The following DDX5 variants were observed in gnomAD, a reference collection of about 807,000 sequenced individuals.
The protein encoded by DDX5 is DEAD-box helicase 5.
Under a neutral mutation model 68.6 loss-of-function variants are expected in DDX5, and 6 were observed. The ratio of observed to expected loss-of-function variants is 0.09; its 90% confidence interval spans 0.05 to 0.17. The LOEUF is 0.17. Among genes scored for constraint, DDX5 ranks in the 10% least tolerant of loss-of-function variants. The probability of loss-of-function intolerance (pLI) is 1.00; values close to 1 mark genes in which losing one functional copy is unlikely to be tolerated. For missense variants in DDX5, 499 were observed against 756.1 expected, an observed-to-expected ratio of 0.66 and a Z score of 3.99; for synonymous variants, 350 against 247.0, an observed-to-expected ratio of 1.42 and a Z score of -3.91.
chr17:64,499,815 G>A lies in DDX5; in HGVS notation c.*108C>T, dbSNP rs1050485. 0.016 allele frequency: 16,693 copies of A among 1,041,394 alleles called. 207 individuals are homozygous for A. The highest frequency in any genetic ancestry group is 0.018 in the Non-Finnish European group (13,383 of 744,512). The allele number at this position is 1,041,394 out of a possible 1,614,324, so 64.5% of individuals were successfully genotyped here. Reference sequence around the variant, plus strand: ...AGTGCACCATAATTACTGCTGCACTGCAGTCATTTCTGCAATTCCCATGTT... The same window carrying A: ...AGTGCACCATAATTACTGCTGCACTACAGTCATTTCTGCAATTCCCATGTT... On this transcript the variant is annotated 3_prime_UTR_variant, in exon 13 of 13. Transcript: ENST00000225792.
At position 64,504,683 on chromosome 17, in the gene DDX5, G is replaced by C. The variant is rs781881248; in HGVS notation, c.204C>G (p.Arg68=). Residue 68 remains arginine (R), a synonymous_variant, in exon 2 of 13, where the codon CGC becomes CGG. Coordinates refer to ENST00000225792, the MANE Select transcript of DDX5 (RefSeq NM_004396.5). The stretch of plus-strand genomic sequence containing the variant: ...GCCACATGAATTTACTCACTGCTGT[G>C]CGCCTAGCCAAATCAGGGTGCTCTT... ...FYQEHPDLAR[R]TAQEVETYRR... is the part of the protein sequence containing the mutation. 22 of 1,612,102 alleles carry C rather than the reference G, an allele frequency of 1.4e-5. No homozygotes were observed. Among genetic ancestry groups the C allele is most frequent in the Non-Finnish European group, 1.9e-5 (22 of 1,179,322 alleles).
At chr17:64,504,986 C>T (rs572946450) in intron 1 of DDX5, 144 bp from the exon 2 acceptor site, 1 of 639,998 alleles carries the variant, frequency 1.6e-6, no homozygotes, top group South Asian at 2.6e-5. Context: ...GTGAAAATCT[C>T]TCTCTCTCTC....
intron 1 of DDX5, 57 bp downstream of exon 1, chr17:64,506,019 G>GACCCCCCCCCCCCCCCCCCCCCCCCCCC: frequency 7.4e-7 from 1 of 1,360,446 alleles, no homozygotes; most frequent in Admixed American, 2.0e-5. Context: ...CCGCCACCCT[G>GACCCCCCCCCCCCCCCCCCCCCCCCCCC]ACCCGCCCTC....
chr17:64,504,656 A>C (rs1314038161), intron 2 of DDX5, 21 bp downstream of exon 2: 1 of 1,589,334 alleles, frequency 6.3e-7, no homozygotes, highest in Non-Finnish European at 8.5e-7. Flanking sequence ...CAGCCTGATG[A>C]AGCCACATGA....
At position 64,499,289 on chromosome 17, in the gene DDX5, C is replaced by G. The variant is rs1373831942; in HGVS notation, c.*634G>C. On this transcript the variant is annotated 3_prime_UTR_variant, in exon 13 of 13. Transcript: ENST00000225792. Reference sequence around the variant, plus strand: ...TCACACTATATAGATGACTTTGTATCTATTTTACTATTTTCTCATTTAACC... The same window carrying G: ...TCACACTATATAGATGACTTTGTATGTATTTTACTATTTTCTCATTTAACC... 6.6e-6 allele frequency among the ~76,000 whole-genome samples: 1 copy of G among 152,084 alleles called. No individual in the cohort carries two copies. The highest frequency in any genetic ancestry group is 2.4e-5 in the African/African-American group (1 of 41,408).
intron 11 of DDX5, chr17:64,501,070 ACATCTGAATG>A: frequency 2.2e-6 from 1 of 448,246 alleles, no homozygotes; most frequent in East Asian, 4.0e-5. Context: ...TCATCAAGTG[ACATCTGAATG>A]CTTCTGCGCA....
At position 64,498,630 on chromosome 17, in the gene DDX5, TAAC is replaced by T. The variant is rs1455426786; in HGVS notation, c.*1290_*1292del. On this transcript the variant is annotated 3_prime_UTR_variant, in exon 13 of 13. Coordinates refer to ENST00000225792, the MANE Select transcript of DDX5 (RefSeq NM_004396.5). Reference sequence around the variant, plus strand: ...TAACTTTACATTTGACATAAGGCATTAACATCAATTAAAGCCTCAGTTTAATAA... The same window carrying T: ...TAACTTTACATTTGACATAAGGCATTATCAATTAAAGCCTCAGTTTAATAA... 9.9e-5 allele frequency among the ~76,000 whole-genome samples: 15 copies of T among 152,172 alleles called. No individual in the cohort carries two copies. Among genetic ancestry groups the T allele is most frequent in the Admixed American group, 3.3e-4 (5 of 15,278 alleles).
intron 11 of DDX5, 98 bp downstream of exon 11, chr17:64,501,912 A>C: frequency 2.3e-6 from 3 of 1,296,652 alleles, no homozygotes; most frequent in Non-Finnish European, 2.2e-6. Context: ...AAAAAAACTT[A>C]GAAAAAATGC....
intron 12 of DDX5, 81 bp downstream of exon 12, chr17:64,500,454 TTCAAGGTTTTACTC>T: frequency 6.6e-7 from 1 of 1,515,828 alleles, no homozygotes; most frequent in Non-Finnish European, 9.0e-7. Context: ...AGTTTTCACA[TTCAAGGTTTTACTC>T]ACCCTCCAAT....
chr17:64,502,613 T>G (rs1376218771), intron 8 of DDX5, 64 bp from the exon 9 acceptor site: 1 of 1,176,280 alleles, frequency 8.5e-7, no homozygotes, highest in Non-Finnish European at 1.2e-6. Flanking sequence ...GGGCCACACA[T>G]TTATGGTCAG....
Position 64,504,297 on chromosome 17 carries a change from T to C in DDX5, c.232A>G (p.Arg78Gly). 6.2e-7 allele frequency: 1 copy of C among 1,614,068 alleles called. No homozygotes were observed. Among genetic ancestry groups the C allele is most frequent in the Non-Finnish European group, 8.5e-7 (1 of 1,179,982 alleles). The change falls in exon 3 of 13, where the codon AGA (arginine) becomes GGA (glycine). Residue 78 changes from arginine to glycine, a missense_variant. Physicochemically the swap from Arg to Gly is moderately radical, Grantham distance 125 (BLOSUM62 -2). This residue lies in a region of DDX5 where 140 missense variants were observed against 135.7 expected (regional missense o/e 1.03). Transcript: ENST00000225792. ...CCTCTAACTGTAATTTCCTTGCTTCTTCTGTATGTTTCCACCTCTTGCTGC... is the reference window on the plus strand; with the variant it reads ...CCTCTAACTGTAATTTCCTTGCTTCCTCTGTATGTTTCCACCTCTTGCTGC... ...RTAQEVETYR[R>G]SKEITVRGHN... is the part of the protein sequence containing the mutation.
At chr17:64,502,903 A>G (rs150995573) in intron 8 of DDX5, 23 bp downstream of exon 8, 378 of 1,554,654 alleles carry the variant, frequency 2.4e-4, no homozygotes, top group South Asian at 6.4e-4. Context: ...GGAAGCAAAT[A>G]TAACAGAGTT....
At position 64,499,844 on chromosome 17, in the gene DDX5, T is replaced by TAG; in HGVS notation, c.*78_*79insCT. 1 of 1,352,064 alleles carries TAG rather than the reference T, an allele frequency of 7.4e-7. No homozygotes were observed. The highest frequency in any genetic ancestry group is 9.9e-7 in the Non-Finnish European group (1 of 1,014,958). The allele number at this position is 1,352,064 out of a possible 1,614,324, so 83.8% of individuals were successfully genotyped here. A position where few individuals can be genotyped will look rare whatever the true frequency, so the allele number is the denominator to read the frequency against. ...TCATTTCTGCAATTCCCATGTTTCT[T>TAG]AAATAACTATCTTGTCAGATAACAC... On this transcript the variant is annotated 3_prime_UTR_variant, in exon 13 of 13. Coordinates refer to ENST00000225792, the MANE Select transcript of DDX5 (RefSeq NM_004396.5).
chr17:64,500,769 C>T lies in DDX5; in HGVS notation c.1221G>A (p.Val407=). The change falls in exon 12 of 13, where the codon GTG becomes GTA. Residue 407 remains valine, a synonymous_variant. Coordinates refer to ENST00000225792, the MANE Select transcript of DDX5 (RefSeq NM_004396.5). ...AATTGATGACAAATTTCACATCTTC[C>T]ACATCTGTAAGGTGTTGCAGTGTGG... ...ATDVASRGLD[V]EDVKFVINYD... 2.5e-6 allele frequency: 4 copies of T among 1,613,026 alleles called. No individual in the cohort carries two copies. Among genetic ancestry groups the T allele is most frequent in the Non-Finnish European group, 3.4e-6 (4 of 1,179,100 alleles).
rs782427799 is a variant in DDX5 at position 64,499,974 on chromosome 17, A to C, written c.1794T>G (p.Thr598=). 39 of 1,613,344 alleles carry C rather than the reference A, an allele frequency of 2.4e-5. No homozygotes were observed. Among genetic ancestry groups the C allele is most frequent in the Non-Finnish European group, 3.2e-5 (38 of 1,179,584 alleles). The stretch of plus-strand genomic sequence containing the variant: ...GATAACCAATCATAGGTGCAGCTGC[A>C]GTAGCAGGATATGCATATGCCTGTT... ...MNQQAYAYPA[T]AAAPMIGYPM... is the part of the protein sequence containing the mutation. Residue 598 remains threonine, a synonymous_variant, in exon 13 of 13, where the codon ACT becomes ACG. Coordinates refer to ENST00000225792, the MANE Select transcript of DDX5 (RefSeq NM_004396.5).
chr17:64,503,708 C>G (rs1555671527), intron 5 of DDX5, 95 bp downstream of exon 5: 6 of 1,530,282 alleles, frequency 3.9e-6, no homozygotes, highest in African/African-American at 2.8e-5. Flanking sequence ...GAGCTAACCT[C>G]TATATAAAAC....
At chr17:64,504,364 C>G in intron 2 of DDX5, 46 bp from the exon 3 acceptor site, 3 of 1,493,266 alleles carry the variant, frequency 2.0e-6, no homozygotes, top group Non-Finnish European at 2.8e-6. Context: ...ACAACCACCC[C>G]TAGCTAAATA....
At chr17:64,505,361 A>C in intron 1 of DDX5, 3 of 417,908 alleles carry the variant, frequency 7.2e-6, no homozygotes, top group Non-Finnish European at 8.7e-6. Flanking sequence ...AGCTGGGGGA[A>C]CGCCGCGGTA....
intron 6 of DDX5, 36 bp downstream of exon 6, chr17:64,503,394 G>A (rs369845926): frequency 3.1e-6 from 5 of 1,613,836 alleles, no homozygotes; most frequent in South Asian, 1.1e-5. Flanking sequence ...AGGATATTTA[G>A]CACCAATGAC....
Sources: allele counts gnomAD v4.1 joint callset (sites outside exome capture counted in the v4.1 genomes callset), GRCh38; gene constraint gnomAD v4.1.1; regional missense constraint gnomAD v4.1.1; transcripts MANE v1.5; gene names NCBI Gene and HGNC (gene_info 2026-07-23, HGNC 2026-07-21).